Variants in NKD1 observed in about 807,000 individuals in gnomAD.
The protein encoded by NKD1 is protein naked cuticle homolog 1.
A neutral mutation model predicts 56.0 loss-of-function variants in NKD1; 21 were observed. The observed-to-expected ratio is 0.38, with a 90% CI of 0.27 to 0.54. The LOEUF is 0.54. Among genes scored for constraint, NKD1 ranks in the 20% least tolerant of loss-of-function variants. The probability of loss-of-function intolerance (pLI) is 0.82; values close to 1 mark genes in which losing one functional copy is unlikely to be tolerated. For missense variants in NKD1, 578 were observed against 642.7 expected (o/e 0.90, Z 1.09); for synonymous variants, 263 against 265.7 (o/e 0.99, Z 0.10).
At chr16:50,567,488 G>A (rs1960787057) in intron 3 of NKD1, among the ~76,000 whole-genome samples, 1 of 152,204 alleles carries the variant, frequency 6.6e-6, no homozygotes, top group African/African-American at 2.4e-5. Flanking sequence ...CCAGCCCTAG[G>A]GAGGTTTCAG....
intron 3 of NKD1, chr16:50,606,753 C>G (rs1480193003): frequency 4.4e-6 from 2 of 454,104 alleles, no homozygotes. Context: ...TGCAGAAGAC[C>G]TCAGCATGAA....
chr16:50,576,080 A>C (rs535657432), intron 3 of NKD1, among the ~76,000 whole-genome samples: 1 of 152,346 alleles, frequency 6.6e-6, no homozygotes, highest in South Asian at 2.1e-4. Flanking sequence ...GCTCAAGAAT[A>C]TTCTAGAAGA....
intron 2 of NKD1, 126 bp from the exon 3 acceptor site, chr16:50,549,296 G>T: frequency 8.2e-7 from 1 of 1,217,072 alleles, no homozygotes; most frequent in African/African-American, 1.6e-5. Flanking sequence ...GCCCCAGCCC[G>T]CGAACCCCCT....
At chr16:50,559,403 G>A (rs1338659580) in intron 3 of NKD1, among the ~76,000 whole-genome samples, 1 of 152,098 alleles carries the variant, frequency 6.6e-6, no homozygotes. Flanking sequence ...GAAATAGCTA[G>A]GTGGGGAAAG....
At chr16:50,593,791 T>G (rs1156296517) in intron 3 of NKD1, among the ~76,000 whole-genome samples, 1 of 152,238 alleles carries the variant, frequency 6.6e-6, no homozygotes, top group African/African-American at 2.4e-5. Flanking sequence ...TCCCAAATAC[T>G]ACATGGGACA....
chr16:50,548,471 GGGA>G lies in NKD1; in HGVS notation c.-75_-73del, dbSNP rs1960283788. ...CTCCGCTCGGCTCGGGGGCTGCTTCGGGAGGAGGAGAGCCAAGGGAGGCGCCAG... is the reference window on the plus strand; with the variant it reads ...CTCCGCTCGGCTCGGGGGCTGCTTCGGGAGGAGAGCCAAGGGAGGCGCCAG... On this transcript the variant is annotated 5_prime_UTR_variant, in exon 1 of 10. Transcript: ENST00000268459. 4.3e-6 allele frequency: 5 copies of G among 1,155,434 alleles called. No individual in the cohort carries two copies. The South Asian group carries it at 9.1e-5, about 21-fold the overall frequency. 71.6% of individuals were successfully genotyped at this position (1,155,434 alleles called of 1,614,324 possible).
intron 3 of NKD1, among the ~76,000 whole-genome samples, chr16:50,569,787 CA>C (rs1347317724): frequency 6.6e-6 from 1 of 152,174 alleles, no homozygotes; most frequent in African/African-American, 2.4e-5. Flanking sequence ...AGCTTTTTAG[CA>C]TGGTGTCTTG....
chr16:50,584,588 A>G (rs942425620), intron 3 of NKD1, among the ~76,000 whole-genome samples: 1 of 152,180 alleles, frequency 6.6e-6, no homozygotes, highest in African/African-American at 2.4e-5. Context: ...AATAGAAGGG[A>G]TGTTGCAAGG....
intron 3 of NKD1, among the ~76,000 whole-genome samples, chr16:50,586,654 G>A (rs1414492412): frequency 6.6e-6 from 1 of 152,220 alleles, no homozygotes; most frequent in Non-Finnish European, 1.5e-5. Flanking sequence ...AGTAGATATA[G>A]AAGATGCCTT....
rs138964473 is a variant in NKD1, at chr16:50,598,262, T to TGTGTGTGTGTGTGTGTGCGCGCGC, written c.193-10031_193-10030insTGTGTGTGTGTGTGTGCGCGCGCG. Among the ~76,000 whole-genome samples, 14 of 148,570 alleles carry TGTGTGTGTGTGTGTGTGCGCGCGC rather than the reference T, an allele frequency of 9.4e-5. No homozygotes were observed. The highest frequency in any genetic ancestry group is 3.6e-4 in the African/African-American group (14 of 39,056). On this transcript the variant is annotated intron_variant, in intron 3 of 9. Transcript: ENST00000268459. The surrounding 1 kb of genome is among the most constrained non-coding windows in gnomAD (Gnocchi z 4.2). Reference sequence around the variant, plus strand: ...GTGTGTGTGTGTGTGTGTGTGTGTGTGCGCGCACACCTGTGCTCATGGACA... The same window carrying TGTGTGTGTGTGTGTGTGCGCGCGC: ...GTGTGTGTGTGTGTGTGTGTGTGTGTGTGTGTGTGTGTGTGTGCGCGCGCGCGCGCACACCTGTGCTCATGGACA...
intron 3 of NKD1, chr16:50,574,857 G>A: frequency 1.0e-6 from 1 of 985,452 alleles, no homozygotes. Context: ...TTCTATGTGG[G>A]GGCCATGGTC....
intron 4 of NKD1, among the ~76,000 whole-genome samples, chr16:50,611,629 C>T (rs887446314): frequency 5.9e-5 from 9 of 152,196 alleles, no homozygotes; most frequent in Non-Finnish European, 1.2e-4. Context: ...GAGCAGCACT[C>T]GGGGAGCTCG....
At position 50,630,203 on chromosome 16, in the gene NKD1, G is replaced by A; in HGVS notation, c.480G>A (p.Leu160=). ...CCATTCAGGACATCACCAGCTTGCT[G>A]CACACCATCTATGAGGTGGTGGACT... The part of the protein sequence containing the change: ...KVTREDITSL[L]HTIYEVVDSS... Residue 160 remains leucine (L), a synonymous_variant, in exon 7 of 10, where the codon CTG becomes CTA. Coordinates refer to ENST00000268459, the MANE Select transcript of NKD1 (RefSeq NM_033119.5). The A allele has an allele frequency of 6.2e-7, 1 of 1,614,064 alleles. No homozygotes were observed. The highest frequency in any genetic ancestry group is 1.3e-5 in the African/African-American group (1 of 75,040).
rs1246032906 is a variant in NKD1, at chr16:50,598,960, GGTGGGCA to G, written c.193-9329_193-9323del. 1.3e-5 allele frequency among the ~76,000 whole-genome samples: 2 copies of G among 151,988 alleles called. No individual in the cohort carries two copies. Among genetic ancestry groups the G allele is most frequent in the Non-Finnish European group, 2.9e-5 (2 of 67,998 alleles). On this transcript the variant is annotated intron_variant, in intron 3 of 9. Coordinates refer to ENST00000268459, the MANE Select transcript of NKD1 (RefSeq NM_033119.5). The surrounding 1 kb of genome is among the most constrained non-coding windows in gnomAD (Gnocchi z 4.2). Reference sequence around the variant, plus strand: ...AGTGGTGTGGTGGGGTCAGTGGTGTGGTGGGCAGTGGCTTAGAGAGGTCAGTGGTGGG... The same window carrying G: ...AGTGGTGTGGTGGGGTCAGTGGTGTGGTGGCTTAGAGAGGTCAGTGGTGGG...
At chr16:50,628,896 A>G (rs1281657615) in intron 6 of NKD1, among the ~76,000 whole-genome samples, 1 of 151,692 alleles carries the variant, frequency 6.6e-6, no homozygotes, top group African/African-American at 2.4e-5. Flanking sequence ...CCTGGCTTGC[A>G]GACGGCCACC....
At chr16:50,621,377 C>T (rs1175562445) in intron 4 of NKD1, among the ~76,000 whole-genome samples, 1 of 152,158 alleles carries the variant, frequency 6.6e-6, no homozygotes, top group Non-Finnish European at 1.5e-5. Flanking sequence ...CTGAGGGGGC[C>T]CCCCACGGTG....
chr16:50,630,180 A>G lies in NKD1; in HGVS notation c.463-6A>G. 1 of 1,613,770 alleles carries G rather than the reference A, an allele frequency of 6.2e-7. No individual in the cohort carries two copies. Among genetic ancestry groups the G allele is most frequent in the African/African-American group, 1.3e-5 (1 of 74,996 alleles). On this transcript the variant is annotated splice_region_variant and splice_polypyrimidine_tract_variant and intron_variant, in intron 6 of 9. Transcript: ENST00000268459. ...CTGCATGGGTCTCCGCTTCCCTCCC[A>G]TTCAGGACATCACCAGCTTGCTGCA...
intron 5 of NKD1, among the ~76,000 whole-genome samples, chr16:50,622,125 G>A (rs1393450481): frequency 1.3e-5 from 2 of 152,202 alleles, no homozygotes; most frequent in African/African-American, 2.4e-5. Flanking sequence ...AGGAGGTACG[G>A]GCAGGACCCT....
chr16:50,549,297 C>T, intron 2 of NKD1, 125 bp from the exon 3 acceptor site: 4 of 1,249,818 alleles, frequency 3.2e-6, no homozygotes, highest in Non-Finnish European at 4.4e-6. Context: ...CCCCAGCCCG[C>T]GAACCCCCTC....
Sources: gnomAD v4.1 joint callset for allele counts (sites outside exome capture counted in the v4.1 genomes callset) on GRCh38, gnomAD v4.1.1 for gene constraint, Gnocchi (gnomAD v3.1) non-coding constraint, MANE v1.5 for transcripts, NCBI Gene and HGNC (gene_info 2026-07-23, HGNC 2026-07-21) for gene names.